The following NEXMIF variants were observed in gnomAD, a reference collection of about 807,000 sequenced individuals.
NEXMIF encodes the protein XLMR protein related to neurite extension.
In NEXMIF, 8 loss-of-function variants were observed where a neutral mutation model predicts 62.1. That is an observed-to-expected ratio of 0.13 (90% CI 0.08 to 0.23). NEXMIF has a LOEUF of 0.23. Ranked by LOEUF, NEXMIF falls within the 10% of genes least tolerant of loss-of-function variation. The pLI, the probability that NEXMIF is intolerant of heterozygous loss-of-function variation, is 1.00. For synonymous variants in NEXMIF, 404 were observed against 416.6 expected, an observed-to-expected ratio of 0.97 and a Z score of 0.37; for missense variants, 976 against 1,113.3, an observed-to-expected ratio of 0.88 and a Z score of 1.75.
intron 1 of NEXMIF, among the ~76,000 whole-genome samples, chrX:74,905,109 G>A (rs1245027540): frequency 9.0e-6 from 1 of 111,423 alleles, no homozygotes; most frequent in East Asian, 2.8e-4. Flanking sequence ...CAGCTCCAGG[G>A]TACAGTTTGA....
At chrX:74,790,953 T>C (rs1296160074) in intron 1 of NEXMIF, among the ~76,000 whole-genome samples, 2 of 110,690 alleles carry the variant, frequency 1.8e-5, no homozygotes, top group African/African-American at 3.3e-5. Flanking sequence ...CTTTTCCTAA[T>C]TGAATACCCT....
Position 74,743,839 on chromosome X carries a change from G to C in NEXMIF, c.718C>G (p.Leu240Val). The C allele has an allele frequency of 5.0e-6, 6 of 1,211,597 alleles. No homozygotes were observed. The highest frequency in any genetic ancestry group is 6.7e-6 in the Non-Finnish European group (6 of 895,489). Reference protein sequence around the residue: ...PAQKSYYEALLLDKCNTEEAL... With the variant: ...PAQKSYYEALVLDKCNTEEAL... ...TCTTCTGTATTGCACTTGTCTAACA[G>C]TAATGCCTCATAATAGCTTTTCTGA... The change falls in exon 3 of 4, where the codon CTG (leucine) becomes GTG (valine). Residue 240 changes from leucine to valine, a missense_variant. Around this residue, in one of 5 missense-constraint regions of NEXMIF, gnomAD observed 45 missense variants for 86.8 expected, o/e 0.52. Transcript: ENST00000055682.
At chrX:74,886,975 G>A (rs2080696884) in intron 1 of NEXMIF, among the ~76,000 whole-genome samples, 1 of 111,180 alleles carries the variant, frequency 9.0e-6, no homozygotes, top group African/African-American at 3.3e-5. Flanking sequence ...GAACAGAACA[G>A]AGCCCTCAGA....
chrX:74,820,836 G>A (rs1166483203), intron 1 of NEXMIF, among the ~76,000 whole-genome samples: 1 of 110,848 alleles, frequency 9.0e-6, no homozygotes, highest in Non-Finnish European at 1.9e-5. Flanking sequence ...ACATAAAGAC[G>A]GGAACAATGG....
intron 1 of NEXMIF, among the ~76,000 whole-genome samples, chrX:74,896,961 T>A (rs1468131270): frequency 8.9e-6 from 1 of 112,301 alleles, no homozygotes; most frequent in African/African-American, 3.2e-5. Context: ...ATATGCTTTC[T>A]AAGTTCTGGC....
chrX:74,830,516 A>G (rs2080432619), intron 1 of NEXMIF, among the ~76,000 whole-genome samples: 1 of 111,739 alleles, frequency 8.9e-6, no homozygotes, highest in Non-Finnish European at 1.9e-5. Flanking sequence ...TTTATGCTCC[A>G]GATAGCCTTG....
chrX:74,824,254 G>A lies in NEXMIF; in HGVS notation c.-47-78557C>T, dbSNP rs183825139. The stretch of plus-strand genomic sequence containing the variant: ...GTATTTCTCTTACCTGAGACTTTGT[G>A]TCTTTTGACTATCATCTCCCCATTC... On this transcript the variant is annotated intron_variant, in intron 1 of 3. Transcript: ENST00000055682. Among the ~76,000 whole-genome samples, 364 of 111,743 alleles carry A rather than the reference G, an allele frequency of 3.3e-3. 2 individuals carry two copies. The highest frequency in any genetic ancestry group is 0.011 in the African/African-American group (347 of 30,767).
chrX:74,870,662 C>T (rs938793147), intron 1 of NEXMIF, among the ~76,000 whole-genome samples: 2 of 111,908 alleles, frequency 1.8e-5, no homozygotes, highest in Admixed American at 1.9e-4. Flanking sequence ...GGCCATAGAT[C>T]TGAACAGACA....
chrX:74,904,366 A>T (rs943328459), intron 1 of NEXMIF, among the ~76,000 whole-genome samples: 2 of 112,081 alleles, frequency 1.8e-5, no homozygotes, highest in African/African-American at 6.5e-5. Context: ...ATCCCACGCC[A>T]TTGTTTTCCT....
In NEXMIF at chrX:74,877,362, C is replaced by A. The variant is rs758412389; in HGVS notation, c.-48+47521G>T. On this transcript the variant is annotated intron_variant, in intron 1 of 3. Coordinates refer to ENST00000055682, the MANE Select transcript of NEXMIF (RefSeq NM_001008537.3). ...TGTAGAGTTTCTGCTGAGAGATCTGCTGTTAGTCTGATGGGCTTCCCTTTG... is the reference window on the plus strand; with the variant it reads ...TGTAGAGTTTCTGCTGAGAGATCTGATGTTAGTCTGATGGGCTTCCCTTTG... Among the ~76,000 whole-genome samples, 5 of 112,082 alleles carry A rather than the reference C, an allele frequency of 4.5e-5. No homozygotes were observed. The East Asian group carries it at 1.4e-3, about 31-fold the overall frequency.
intron 1 of NEXMIF, among the ~76,000 whole-genome samples, chrX:74,763,910 C>A (rs1051426172): frequency 8.9e-6 from 1 of 111,880 alleles, no homozygotes; most frequent in Non-Finnish European, 1.9e-5. Context: ...ATGTCATCTG[C>A]AAACAGGGAC....
At chrX:74,747,642 CTT>C (rs57925416) in intron 1 of NEXMIF, among the ~76,000 whole-genome samples, 7 of 99,296 alleles carry the variant, frequency 7.0e-5, no homozygotes, top group Admixed American at 1.1e-4. Flanking sequence ...ATTATCCAAA[CTT>C]TTTTTTTTTT....
chrX:74,781,424 A>T lies in NEXMIF; in HGVS notation c.-47-35727T>A, dbSNP rs1180759957. Among the ~76,000 whole-genome samples, 15 of 108,810 alleles carry T rather than the reference A, an allele frequency of 1.4e-4. No homozygotes were observed. In the Admixed American group the frequency reaches 1.5e-3, roughly 11 times the overall value. 94.5% of individuals were successfully genotyped at this position (108,810 alleles called of 115,157 possible). A position where few individuals can be genotyped will look rare whatever the true frequency, so the allele number is the denominator to read the frequency against. On this transcript the variant is annotated intron_variant, in intron 1 of 3. Coordinates refer to ENST00000055682, the MANE Select transcript of NEXMIF (RefSeq NM_001008537.3). The stretch of plus-strand genomic sequence containing the variant: ...GAGAGATCAGAGGAAGAGTGGAGGG[A>T]GAGGTGAAGGAGGAGAAGAGGGAGA...
intron 1 of NEXMIF, among the ~76,000 whole-genome samples, chrX:74,875,137 A>T (rs1349427364): frequency 1.8e-5 from 2 of 111,256 alleles, no homozygotes; most frequent in Non-Finnish European, 3.8e-5. Flanking sequence ...AGTTTGTCAT[A>T]GATAGCTCTT....
At chrX:74,895,675 T>A (rs1280452816) in intron 1 of NEXMIF, among the ~76,000 whole-genome samples, 1 of 110,946 alleles carries the variant, frequency 9.0e-6, no homozygotes, top group East Asian at 2.8e-4. Flanking sequence ...GTGAACTCAT[T>A]TTCCACAAAG....
intron 1 of NEXMIF, among the ~76,000 whole-genome samples, chrX:74,748,441 A>G (rs1430316518): frequency 1.8e-5 from 2 of 111,849 alleles, no homozygotes; most frequent in Non-Finnish European, 3.8e-5. Flanking sequence ...AGGAATTATA[A>G]TTTCTTACAG....
chrX:74,751,734 CCCT>C (rs1222726603), intron 1 of NEXMIF, among the ~76,000 whole-genome samples: 9 of 91,638 alleles, frequency 9.8e-5, no homozygotes, highest in African/African-American at 2.0e-4. Context: ...TTCCCTCCCT[CCCT>C]CTTTTCTTCC....
intron 1 of NEXMIF, among the ~76,000 whole-genome samples, chrX:74,802,929 G>A (rs1366739335): frequency 9.1e-6 from 1 of 110,220 alleles, no homozygotes; most frequent in African/African-American, 3.3e-5. Flanking sequence ...ACTGAAGAAG[G>A]CATCAGACTC....
At chrX:74,888,857 CTATA>C (rs927168601) in intron 1 of NEXMIF, among the ~76,000 whole-genome samples, 2 of 111,167 alleles carry the variant, frequency 1.8e-5, no homozygotes, top group African/African-American at 6.5e-5. Context: ...AAGAAAATTC[CTATA>C]TATACTCAGT....
Sources: allele counts gnomAD v4.1 joint callset (sites outside exome capture counted in the v4.1 genomes callset), GRCh38; gene constraint gnomAD v4.1.1; regional missense constraint gnomAD v4.1.1; transcripts MANE v1.5; gene names NCBI Gene and HGNC (gene_info 2026-07-23, HGNC 2026-07-21).